The following VAV3 variants were observed in gnomAD, a reference collection of about 807,000 sequenced individuals.
VAV3 encodes the protein guanine nucleotide exchange factor VAV3.
In VAV3, 94 loss-of-function variants were observed where a neutral mutation model predicts 131.2. That is an observed-to-expected ratio of 0.72 (90% confidence interval 0.61 to 0.85). The LOEUF (loss-of-function observed/expected upper bound fraction) is 0.85. Among genes scored for constraint, VAV3 ranks in the 40% least tolerant of loss-of-function variants. VAV3 has a pLI of 0.00. For missense variants in VAV3, 939 were observed against 1,002.7 expected, an observed-to-expected ratio of 0.94 and a Z score of 0.86; for synonymous variants, 349 against 342.0, an observed-to-expected ratio of 1.02 and a Z score of -0.22.
rs1274790520 is a variant in VAV3, at chr1:107,735,851, T to G, written c.1502+13117A>C. Among the ~76,000 whole-genome samples the G allele has an allele frequency of 2.6e-5, 4 of 152,240 alleles. No individual in the cohort carries two copies. In the East Asian group the frequency reaches 7.7e-4, roughly 29 times the overall value. ...AAGAGGGAATCCTCCCTAACTCATT[T>G]TATGAGGTCAGCATCATCCTGATAC... On this transcript the variant is annotated intron_variant, in intron 15 of 26. Coordinates refer to ENST00000370056, the MANE Select transcript of VAV3 (RefSeq NM_006113.5).
chr1:107,749,126 T>C, intron 14 of VAV3, 49 bp from the exon 15 acceptor site: 1 of 1,322,066 alleles, frequency 7.6e-7, no homozygotes, highest in Non-Finnish European at 1.1e-6. Context: ...TAATAACATG[T>C]TTCTAAATTC....
intron 7 of VAV3, among the ~76,000 whole-genome samples, chr1:107,767,391 C>G (rs1225873159): frequency 5.3e-5 from 8 of 152,180 alleles, no homozygotes; most frequent in Non-Finnish European, 1.2e-4. Context: ...CATGCTCTCT[C>G]CTTAGTGGTG....
intron 19 of VAV3, among the ~76,000 whole-genome samples, chr1:107,649,984 G>T (rs955952434): frequency 2.6e-5 from 4 of 152,096 alleles, no homozygotes; most frequent in African/African-American, 9.7e-5. Context: ...AGTGACAGGG[G>T]TGTGTGTGGA....
chr1:107,854,974 C>T (rs1294493255), intron 2 of VAV3, among the ~76,000 whole-genome samples: 1 of 152,142 alleles, frequency 6.6e-6, no homozygotes, highest in Non-Finnish European at 1.5e-5. Context: ...TGTGCCTTTG[C>T]CATCTTCTAA....
At chr1:107,731,028 T>C (rs1392110126) in intron 15 of VAV3, among the ~76,000 whole-genome samples, 1 of 152,158 alleles carries the variant, frequency 6.6e-6, no homozygotes, top group South Asian at 2.1e-4. Flanking sequence ...AAGAATCAGA[T>C]TGGGCATTAT....
At chr1:107,720,844 T>C (rs1171154355) in intron 15 of VAV3, among the ~76,000 whole-genome samples, 2 of 152,178 alleles carry the variant, frequency 1.3e-5, no homozygotes, top group African/African-American at 4.8e-5. Context: ...TGGGGAGCCA[T>C]GTGGCAAGCA....
chr1:107,642,951 T>C (rs1655460630), intron 19 of VAV3, among the ~76,000 whole-genome samples, 196 bp from the exon 20 acceptor site: 1 of 152,142 alleles, frequency 6.6e-6, no homozygotes, highest in South Asian at 2.1e-4. Flanking sequence ...AAGACACATA[T>C]TTATCCCATG....
intron 2 of VAV3, among the ~76,000 whole-genome samples, chr1:107,854,311 AAAAAT>A (rs1431574698): frequency 2.0e-5 from 3 of 152,214 alleles, no homozygotes; most frequent in Admixed American, 2.0e-4. Context: ...CTCTGCCTAA[AAAAAT>A]AAAATAAAAT....
chr1:107,657,851 A>C (rs920203481), intron 19 of VAV3, among the ~76,000 whole-genome samples: 1 of 152,366 alleles, frequency 6.6e-6, no homozygotes, highest in African/African-American at 2.4e-5. Context: ...GGTGTTGTTA[A>C]AAATGTTATG....
At chr1:107,779,634 G>T (rs1665573808) in intron 2 of VAV3, 142 bp from the exon 3 acceptor site, 1 of 458,008 alleles carries the variant, frequency 2.2e-6, no homozygotes, top group Non-Finnish European at 3.8e-6. Flanking sequence ...AATGAGAAGG[G>T]CTGTGATTGG....
intron 18 of VAV3, 66 bp downstream of exon 18, chr1:107,688,315 C>T (rs2101767490): frequency 6.4e-7 from 1 of 1,565,422 alleles, no homozygotes; most frequent in Non-Finnish European, 8.7e-7. Context: ...AAGCCCAAGC[C>T]TGGTTAAGTT....
chr1:107,964,916 T>TGCGGCC lies in VAV3; in HGVS notation c.-53_-48dup. ...GCTGGGCCGGGGCGGGCGGCAAGGA[T>TGCGGCC]GCGGCCGCCGCCGCCGCCGCCGCGG... On this transcript the variant is annotated 5_prime_UTR_variant, in exon 1 of 27. Coordinates refer to ENST00000370056, the MANE Select transcript of VAV3 (RefSeq NM_006113.5). 1 of 1,192,118 alleles carries TGCGGCC rather than the reference T, an allele frequency of 8.4e-7. No homozygotes were observed. The highest frequency in any genetic ancestry group is 3.5e-5 in the East Asian group (1 of 28,390). 73.8% of individuals were successfully genotyped at this position (1,192,118 alleles called of 1,614,324 possible).
intron 19 of VAV3, among the ~76,000 whole-genome samples, chr1:107,656,968 T>C (rs1319621374): frequency 2.0e-5 from 1 of 48,858 alleles, no homozygotes; most frequent in Non-Finnish European, 3.9e-5. Context: ...TTTTTTTTTT[T>C]TCCGAGACGA....
intron 25 of VAV3, among the ~76,000 whole-genome samples, chr1:107,588,826 A>C (rs1388470392): frequency 6.6e-6 from 1 of 152,212 alleles, no homozygotes; most frequent in Non-Finnish European, 1.5e-5. Context: ...GTTAATCATC[A>C]AATTATTGAA....
chr1:107,693,906 T>G (rs1659592213), intron 17 of VAV3, among the ~76,000 whole-genome samples: 1 of 152,084 alleles, frequency 6.6e-6, no homozygotes, highest in African/African-American at 2.4e-5. Flanking sequence ...TTTCAGCCAA[T>G]GGACTTGATG....
At position 107,740,727 on chromosome 1, in the gene VAV3, T is replaced by C. The variant is rs77236984; in HGVS notation, c.1502+8241A>G. Among the ~76,000 whole-genome samples the C allele has an allele frequency of 6.0e-3, 918 of 152,344 alleles. 19 individuals carry two copies. Among genetic ancestry groups the C allele is most frequent in the African/African-American group, 0.021 (868 of 41,588 alleles). On this transcript the variant is annotated intron_variant, in intron 15 of 26. Transcript: ENST00000370056. ...GGCCTAAGTCATCTTATTTGTGCTG[T>C]AGGACAGGGGTCACTAACTACAGCC...
chr1:107,751,143 A>G lies in VAV3; in HGVS notation c.1233T>C (p.Thr411=). 6.2e-7 allele frequency: 1 copy of G among 1,613,130 alleles called. No individual in the cohort carries two copies. The highest frequency in any genetic ancestry group is 1.1e-5 in the South Asian group (1 of 90,796). The change falls in exon 13 of 27, where the codon ACT becomes ACC. Residue 411 remains threonine, a synonymous_variant. Transcript: ENST00000370056. ...TTTCTTGTTTGGTATGCTTGTCTAG[A>G]GTGGTTATTCGAATTTCACCATCTC... The part of the protein sequence containing the change: ...PQGDGEIRIT[T]LDKHTKQERH...
At chr1:107,829,661 T>C (rs1387102128) in intron 2 of VAV3, among the ~76,000 whole-genome samples, 1 of 152,216 alleles carries the variant, frequency 6.6e-6, no homozygotes, top group Non-Finnish European at 1.5e-5. Flanking sequence ...AAGTTGACTT[T>C]ATTTACTTTA....
intron 1 of VAV3, among the ~76,000 whole-genome samples, chr1:107,899,321 G>T (rs945043734): frequency 6.6e-6 from 1 of 152,146 alleles, no homozygotes; most frequent in African/African-American, 2.4e-5. Context: ...GCGGTAAGCG[G>T]CCATCCAATC....
Sources: allele counts gnomAD v4.1 joint callset (sites outside exome capture counted in the v4.1 genomes callset), GRCh38; gene constraint gnomAD v4.1.1; transcripts MANE v1.5; gene names NCBI Gene and HGNC (gene_info 2026-07-23, HGNC 2026-07-21).